Variants in ADGRL2 observed in about 807,000 individuals in gnomAD.
ADGRL2 encodes the protein adhesion G protein-coupled receptor L2, also known as calcium-independent alpha-latrotoxin receptor 2.
In ADGRL2, 44 loss-of-function variants were observed where a neutral mutation model predicts 157.4. The observed-to-expected ratio is 0.28, with a 90% CI of 0.22 to 0.36. ADGRL2 has a LOEUF of 0.36. ADGRL2 is among the 10% of genes least tolerant of loss of function. The probability of loss-of-function intolerance (pLI) is 1.00; values close to 1 mark genes in which losing one functional copy is unlikely to be tolerated. For missense variants in ADGRL2, 1,510 were observed against 1,768.9 expected (o/e 0.85, Z 2.63); for synonymous variants, 585 against 624.7 (o/e 0.94, Z 0.95).
At chr1:81,840,980 T>A (rs2092554218) in intron 2 of ADGRL2, among the ~76,000 whole-genome samples, 1 of 152,136 alleles carries the variant, frequency 6.6e-6, no homozygotes, top group Admixed American at 6.6e-5. Flanking sequence ...TGAATTTTTG[T>A]GTCCTAGAGA....
At chr1:81,599,374 G>A (rs2081294269) in intron 3 of ADGRL2, among the ~76,000 whole-genome samples, 1 of 152,154 alleles carries the variant, frequency 6.6e-6, no homozygotes, top group Non-Finnish European at 1.5e-5. Context: ...GAAAGAAACA[G>A]CACTACCAGC....
intron 1 of ADGRL2, among the ~76,000 whole-genome samples, chr1:81,312,098 C>T (rs573428750): frequency 1.3e-5 from 2 of 152,098 alleles, no homozygotes; most frequent in African/African-American, 4.8e-5. Flanking sequence ...AACTTTGGCT[C>T]TCCAGGAATG....
At chr1:81,644,140 C>A (rs959473821) in intron 3 of ADGRL2, among the ~76,000 whole-genome samples, 1 of 152,162 alleles carries the variant, frequency 6.6e-6, no homozygotes, top group African/African-American at 2.4e-5. Flanking sequence ...GTCTTCTCAA[C>A]AAATGGCGCT....
At chr1:81,420,621 G>A (rs908682600) in intron 1 of ADGRL2, among the ~76,000 whole-genome samples, 1 of 152,118 alleles carries the variant, frequency 6.6e-6, no homozygotes, top group Non-Finnish European at 1.5e-5. Flanking sequence ...TTAACACAAG[G>A]AGTTTTGTTT....
chr1:81,888,514 C>T (rs931397715), intron 2 of ADGRL2, among the ~76,000 whole-genome samples: 7 of 152,194 alleles, frequency 4.6e-5, no homozygotes, highest in African/African-American at 1.7e-4. Context: ...ATCTCGCTCA[C>T]TGCAAGCTCT....
intron 1 of ADGRL2, among the ~76,000 whole-genome samples, chr1:81,309,042 T>G (rs115302554): frequency 2.2e-4 from 33 of 152,258 alleles, no homozygotes; most frequent in Middle Eastern, 6.8e-3. Context: ...AGATAAATTA[T>G]CATCTTAAAA....
At chr1:81,354,338 G>T (rs1211787283) in intron 1 of ADGRL2, among the ~76,000 whole-genome samples, 1 of 152,176 alleles carries the variant, frequency 6.6e-6, no homozygotes. Context: ...CCTACAGCCA[G>T]AATTCCTAAT....
chr1:81,439,852 T>A (rs1468272634), intron 1 of ADGRL2, among the ~76,000 whole-genome samples: 2 of 152,196 alleles, frequency 1.3e-5, no homozygotes, highest in Admixed American at 1.3e-4. Context: ...GGTCCCGAGC[T>A]ATTGTCCAGT....
Position 81,822,944 on chromosome 1 carries a change from A to T in ADGRL2, c.-100-13941A>T, listed in dbSNP as rs552046386. 5.3e-5 allele frequency among the ~76,000 whole-genome samples: 8 copies of T among 152,156 alleles called. No homozygotes were observed. In the South Asian group the frequency reaches 1.7e-3, roughly 32 times the overall value. On this transcript the variant is annotated intron_variant, in intron 1 of 23. Coordinates refer to ENST00000686636, the MANE Select transcript of ADGRL2 (RefSeq NM_001366006.2). ...CTCTTTCTTGAGGGGTTTAATGATG[A>T]AAATGATAAGGTATTGTATGTCAAA...
At chr1:81,471,752 C>T (rs999099327) in intron 2 of ADGRL2, among the ~76,000 whole-genome samples, 5 of 152,106 alleles carry the variant, frequency 3.3e-5, no homozygotes, top group African/African-American at 9.7e-5. Context: ...GAAACAGCAA[C>T]GAGGTCTTTA....
chr1:81,861,917 G>C (rs886466662), intron 2 of ADGRL2, among the ~76,000 whole-genome samples: 1 of 151,944 alleles, frequency 6.6e-6, no homozygotes, highest in Non-Finnish European at 1.5e-5. Context: ...ACATGAATTT[G>C]CTTGGTTTAG....
chr1:81,946,093 C>T (rs1261918309), intron 6 of ADGRL2, among the ~76,000 whole-genome samples: 1 of 152,116 alleles, frequency 6.6e-6, no homozygotes, highest in Admixed American at 6.6e-5. Flanking sequence ...TTTTGCCTGT[C>T]ATAAAGTAGT....
At chr1:81,448,798 A>T (rs1331779728) in intron 2 of ADGRL2, among the ~76,000 whole-genome samples, 2 of 152,188 alleles carry the variant, frequency 1.3e-5, no homozygotes, top group African/African-American at 4.8e-5. Context: ...AGCTAAGTTT[A>T]ACTTTTAGTC....
intron 2 of ADGRL2, among the ~76,000 whole-genome samples, chr1:81,479,351 C>T (rs977370511): frequency 5.3e-5 from 8 of 151,510 alleles, no homozygotes; most frequent in East Asian, 1.9e-4. Flanking sequence ...GGTGTGGTGG[C>T]GGGCACCTGT....
chr1:81,704,576 C>T (rs566454889), intron 1 of ADGRL2, among the ~76,000 whole-genome samples: 33 of 152,340 alleles, frequency 2.2e-4, no homozygotes, highest in Admixed American at 2.0e-3. Flanking sequence ...CCATTTGCTG[C>T]TGCTTCCAAT....
intron 2 of ADGRL2, among the ~76,000 whole-genome samples, chr1:81,462,722 C>T (rs1057377606): frequency 6.6e-5 from 10 of 152,234 alleles, no homozygotes; most frequent in African/African-American, 2.4e-4. Flanking sequence ...ACTTTTTGAT[C>T]ATTCAAGACC....
intron 1 of ADGRL2, among the ~76,000 whole-genome samples, chr1:81,345,435 G>T (rs1241897195): frequency 1.3e-5 from 2 of 152,292 alleles, no homozygotes; most frequent in East Asian, 3.9e-4. Flanking sequence ...TGATAGCCAT[G>T]CATTCTGCTA....
intron 2 of ADGRL2, among the ~76,000 whole-genome samples, chr1:81,861,616 C>CAGTG (rs2150785425): frequency 6.6e-6 from 1 of 152,314 alleles, no homozygotes; most frequent in East Asian, 1.9e-4. Context: ...GGGCCATGCA[C>CAGTG]AGTGGCTCAT....
intron 1 of ADGRL2, among the ~76,000 whole-genome samples, chr1:81,421,857 A>G (rs1570923248): frequency 6.6e-6 from 1 of 152,308 alleles, no homozygotes; most frequent in East Asian, 1.9e-4. Flanking sequence ...TGCATAGATT[A>G]TGTTCTACCA....
Sources: allele counts gnomAD v4.1 joint callset (sites outside exome capture counted in the v4.1 genomes callset), GRCh38; gene constraint gnomAD v4.1.1; transcripts MANE v1.5; gene names NCBI Gene and HGNC (gene_info 2026-07-23, HGNC 2026-07-21).